DLGAP1: variants seen among roughly 807,000 people sequenced by gnomAD.
DLGAP1 encodes DLG associated protein 1, also known as disks large-associated protein 1.
In DLGAP1, 11 loss-of-function variants were observed where a neutral mutation model predicts 90.8. The ratio of observed to expected loss-of-function variants is 0.12; its 90% confidence interval spans 0.08 to 0.20. The LOEUF (loss-of-function observed/expected upper bound fraction) is 0.20. DLGAP1 is among the 10% of genes least tolerant of loss of function. DLGAP1 has a pLI of 1.00. For missense variants in DLGAP1, 1,050 were observed against 1,333.8 expected (o/e 0.79, Z 3.31); for synonymous variants, 558 against 540.7 (o/e 1.03, Z -0.44).
At chr18:4,416,877 T>C (rs990790869) in intron 1 of DLGAP1, among the ~76,000 whole-genome samples, 1 of 152,210 alleles carries the variant, frequency 6.6e-6, no homozygotes, top group Non-Finnish European at 1.5e-5. Context: ...CACTCTTTTA[T>C]TTTTCTCTTT....
chr18:4,426,309 G>C (rs867902488), intron 1 of DLGAP1, among the ~76,000 whole-genome samples: 1 of 152,168 alleles, frequency 6.6e-6, no homozygotes, highest in Non-Finnish European at 1.5e-5. Context: ...CCCTTAAAAA[G>C]TTCTCCCCAA....
chr18:3,587,272 C>G (rs772214725), intron 7 of DLGAP1, among the ~76,000 whole-genome samples: 3 of 151,898 alleles, frequency 2.0e-5, no homozygotes, highest in Non-Finnish European at 4.4e-5. Flanking sequence ...CCAGGCTAGT[C>G]TCAAACCCCT....
intron 2 of DLGAP1, among the ~76,000 whole-genome samples, chr18:4,126,616 A>C (rs1368321293): frequency 6.6e-6 from 1 of 152,192 alleles, no homozygotes; most frequent in African/African-American, 2.4e-5. Flanking sequence ...TTCTAAAGAA[A>C]TGAGAATGCT....
At chr18:4,204,223 C>T (rs2077671207) in intron 1 of DLGAP1, among the ~76,000 whole-genome samples, 1 of 152,154 alleles carries the variant, frequency 6.6e-6, no homozygotes, top group Non-Finnish European at 1.5e-5. Context: ...AAGGAGCAAA[C>T]TCTTTTAAGA....
intron 3 of DLGAP1, among the ~76,000 whole-genome samples, chr18:3,906,089 C>T (rs112169217): frequency 2.0e-5 from 3 of 152,208 alleles, no homozygotes; most frequent in Admixed American, 6.5e-5. Flanking sequence ...TCACCTAATC[C>T]GTAGTTTACT....
rs781443242 is a variant in DLGAP1, at chr18:4,342,314, T to C, written c.-267+112692A>G. ...TTTTTTATATTAGATGTTACTTGTA[T>C]TTTTGAACTATAAAATATTATACTT... On this transcript the variant is annotated intron_variant, in intron 1 of 12. Transcript: ENST00000315677. This position sits in a 1 kb window ranked among gnomAD's most constrained non-coding sequence, Gnocchi z 5.8. Among the ~76,000 whole-genome samples, 61 of 152,136 alleles carry C rather than the reference T, an allele frequency of 4.0e-4. No individual in the cohort carries two copies. Among genetic ancestry groups the C allele is most frequent in the Non-Finnish European group, 7.8e-4 (53 of 68,024 alleles).
intron 10 of DLGAP1, among the ~76,000 whole-genome samples, chr18:3,525,846 GC>G (rs1356798353): frequency 6.6e-6 from 1 of 152,166 alleles, no homozygotes; most frequent in African/African-American, 2.4e-5. Context: ...GCCCAGTTCT[GC>G]CCCCAATTAA....
At chr18:3,521,432 C>T (rs957549786) in intron 10 of DLGAP1, among the ~76,000 whole-genome samples, 5 of 152,336 alleles carry the variant, frequency 3.3e-5, no homozygotes, top group South Asian at 4.1e-4. Flanking sequence ...CTGACTCCTT[C>T]GGTGCTCCAA....
chr18:4,045,806 T>A (rs1251055188), intron 2 of DLGAP1, among the ~76,000 whole-genome samples: 36 of 138,216 alleles, frequency 2.6e-4, no homozygotes, highest in Admixed American at 1.8e-3. Flanking sequence ...TTTTTTTTTT[T>A]AAAGTTAGCA....
At chr18:4,205,500 T>A (rs2077703165) in intron 1 of DLGAP1, among the ~76,000 whole-genome samples, 1 of 152,226 alleles carries the variant, frequency 6.6e-6, no homozygotes, top group Admixed American at 6.5e-5. Context: ...CTTTCTTTCC[T>A]TTCTCTTTTT....
At chr18:4,437,539 G>C (rs749047271) in intron 1 of DLGAP1, among the ~76,000 whole-genome samples, 1 of 151,376 alleles carries the variant, frequency 6.6e-6, no homozygotes, top group Non-Finnish European at 1.5e-5. Context: ...GTTACACTGC[G>C]TTGTTTAGGG....
intron 10 of DLGAP1, among the ~76,000 whole-genome samples, chr18:3,508,982 CTT>C (rs796452465): frequency 4.2e-5 from 6 of 143,704 alleles, no homozygotes; most frequent in Non-Finnish European, 3.0e-5. Context: ...ACAGTTGTTG[CTT>C]TTTTTTTTTT....
intron 7 of DLGAP1, among the ~76,000 whole-genome samples, chr18:3,669,994 C>T (rs58086502): frequency 1.3e-5 from 2 of 152,084 alleles, no homozygotes; most frequent in South Asian, 2.1e-4. Context: ...TAGAGGTATG[C>T]GTAGTGAGGC....
At chr18:3,731,616 A>T (rs2062433951) in intron 6 of DLGAP1, among the ~76,000 whole-genome samples, 1 of 136,526 alleles carries the variant, frequency 7.3e-6, no homozygotes, top group Non-Finnish European at 1.6e-5. Flanking sequence ...CATGTTTCCC[A>T]GGCTGGTCTC....
intron 4 of DLGAP1, among the ~76,000 whole-genome samples, chr18:3,865,954 G>A (rs2070355394): frequency 6.6e-6 from 1 of 152,154 alleles, no homozygotes; most frequent in Non-Finnish European, 1.5e-5. Flanking sequence ...GCATGGGATG[G>A]AGATGAAAAG....
rs2052137363 is a variant in DLGAP1 at position 3,533,359 on chromosome 18, A to G, written c.2479+835T>C. ...CATTCAACTGTAATAAGATTATAAA[A>G]TGTGTTTCTTTGGCAGCTAAAGGGT... On this transcript the variant is annotated intron_variant, in intron 10 of 12. Transcript: ENST00000315677. 2.0e-5 allele frequency among the ~76,000 whole-genome samples: 3 copies of G among 152,204 alleles called. No individual in the cohort carries two copies. In the South Asian group the frequency reaches 6.2e-4, roughly 31 times the overall value.
intron 9 of DLGAP1, among the ~76,000 whole-genome samples, chr18:3,535,994 C>A (rs2052350370): frequency 6.6e-6 from 1 of 151,846 alleles, no homozygotes; most frequent in African/African-American, 2.4e-5. Flanking sequence ...GAGATCATGC[C>A]ATTGCACTCC....
intron 1 of DLGAP1, among the ~76,000 whole-genome samples, chr18:4,428,969 C>T (rs567209622): frequency 1.3e-5 from 2 of 152,260 alleles, no homozygotes; most frequent in African/African-American, 4.8e-5. Context: ...GGCCATGCCA[C>T]GTCACTAGTG....
At chr18:4,422,085 T>C (rs1207448629) in intron 1 of DLGAP1, among the ~76,000 whole-genome samples, 2 of 152,120 alleles carry the variant, frequency 1.3e-5, no homozygotes, top group Non-Finnish European at 2.9e-5. Context: ...CATATGTGAA[T>C]GTGCAAGTGT....
Sources: gnomAD v4.1 joint callset for allele counts (sites outside exome capture counted in the v4.1 genomes callset) on GRCh38, gnomAD v4.1.1 for gene constraint, Gnocchi (gnomAD v3.1) non-coding constraint, MANE v1.5 for transcripts, NCBI Gene and HGNC (gene_info 2026-07-23, HGNC 2026-07-21) for gene names.